Variants in UGT1A3 observed in about 807,000 individuals in gnomAD.
The protein encoded by UGT1A3 is UDP glucuronosyltransferase family 1 member A3.
Under a neutral mutation model 41.0 loss-of-function variants are expected in UGT1A3, and 31 were observed. The ratio of observed to expected loss-of-function variants is 0.76; its 90% CI spans 0.57 to 1.02. The LOEUF is 1.02. Ranked by LOEUF, UGT1A3 falls within the 50% of genes least tolerant of loss-of-function variation. The pLI is 0.00. For missense variants in UGT1A3, 737 were observed against 671.0 expected, an observed-to-expected ratio of 1.10 and a Z score of -1.09; for synonymous variants, 262 against 257.6, an observed-to-expected ratio of 1.02 and a Z score of -0.17.
chr2:233,731,692 C>A (rs936290602), intron 1 of UGT1A3, among the ~76,000 whole-genome samples: 1 of 152,182 alleles, frequency 6.6e-6, no homozygotes. Context: ...CATTGATGGA[C>A]ATTTGGATTG....
chr2:233,754,548 G>A (rs760098781), intron 1 of UGT1A3: 6 of 380,460 alleles, frequency 1.6e-5, no homozygotes, highest in African/African-American at 2.1e-5. Context: ...GGAATTACTT[G>A]GTGTCAATGG....
chr2:233,739,654 C>T (rs1048629610), intron 1 of UGT1A3, among the ~76,000 whole-genome samples: 2 of 152,192 alleles, frequency 1.3e-5, no homozygotes, highest in South Asian at 4.1e-4. Flanking sequence ...AATTTCTGTA[C>T]CCCCATTGTG....
intron 1 of UGT1A3, chr2:233,747,078 A>G (rs1246065129): frequency 1.2e-5 from 13 of 1,085,828 alleles, no homozygotes; most frequent in Admixed American, 7.9e-5. Context: ...ATAATTAACT[A>G]GGAGGAGAGC....
At chr2:233,755,155 T>C (rs921927491) in intron 1 of UGT1A3, 4 of 1,293,388 alleles carry the variant, frequency 3.1e-6, no homozygotes, top group Middle Eastern at 2.2e-4. Flanking sequence ...GCTTCCTCCC[T>C]GTCCTCGGGG....
At position 233,761,035 on chromosome 2, in the gene UGT1A3, T is replaced by C. The variant is rs57307513; in HGVS notation, c.868-5999T>C. On this transcript the variant is annotated intron_variant, in intron 1 of 4. Transcript: ENST00000482026. ...GGTGACTGTCCAGGACCTATTGAGC[T>C]CTGCATCTGTCTGGCTGTTTAGAAG... The C allele has an allele frequency of 4.4e-4, 717 of 1,614,210 alleles. No individual in the cohort carries two copies. Among genetic ancestry groups the C allele is most frequent in the Non-Finnish European group, 5.5e-4 (645 of 1,180,032 alleles).
chr2:233,742,223 A>G (rs1691912162), intron 1 of UGT1A3, among the ~76,000 whole-genome samples: 1 of 151,938 alleles, frequency 6.6e-6, no homozygotes, highest in South Asian at 2.1e-4. Flanking sequence ...CAGGGCTGAG[A>G]GCCCCAAACA....
chr2:233,768,157 G>GGTGTGTCC lies in UGT1A3; in HGVS notation c.1088-63_1088-62insGTGTGTCC, dbSNP rs1279074414. 1.9e-6 allele frequency: 3 copies of GGTGTGTCC among 1,612,962 alleles called. No homozygotes were observed. The African/African-American group carries it at 4.0e-5, about 22-fold the overall frequency. On this transcript the variant is annotated intron_variant, in intron 3 of 4. Transcript: ENST00000482026. ...GTCTTTGGAGTGTTTTCAGAACCTA[G>GGTGTGTCC]ATGTGTCCAGCTGTGAAACTCAGAG...
At chr2:233,731,933 C>A (rs562066404) in intron 1 of UGT1A3, among the ~76,000 whole-genome samples, 9 of 152,358 alleles carry the variant, frequency 5.9e-5, no homozygotes, top group Admixed American at 1.3e-4. Flanking sequence ...TCTCCACATC[C>A]TCTCCAACAT....
chr2:233,762,967 G>A (rs568860226), intron 1 of UGT1A3, among the ~76,000 whole-genome samples: 7 of 152,218 alleles, frequency 4.6e-5, no homozygotes, highest in Admixed American at 6.5e-5. Context: ...AAAGATGCCC[G>A]TCTTGCTGCT....
chr2:233,742,906 T>G (rs1484146320), intron 1 of UGT1A3: 79 of 166,834 alleles, frequency 4.7e-4, no homozygotes, highest in Non-Finnish European at 5.6e-4. Context: ...AAAAAGGTAA[T>G]GCTCAAAGTG....
At chr2:233,743,563 C>A (rs546286371) in intron 1 of UGT1A3, 1 of 1,367,296 alleles carries the variant, frequency 7.3e-7, no homozygotes, top group South Asian at 1.1e-5. Flanking sequence ...TATTCTCCAG[C>A]GGGTTTCCCA....
chr2:233,761,696 T>G (rs1228722840), intron 1 of UGT1A3, among the ~76,000 whole-genome samples: 1 of 152,214 alleles, frequency 6.6e-6, no homozygotes, highest in East Asian at 1.9e-4. Context: ...TACAGAAAGG[T>G]TGTAGGTTTC....
At chr2:233,746,793 T>G (rs1030985091) in intron 1 of UGT1A3, among the ~76,000 whole-genome samples, 4 of 151,826 alleles carry the variant, frequency 2.6e-5, no homozygotes, top group Non-Finnish European at 4.4e-5. Context: ...TTGTAATTCA[T>G]GAGCGTGAAT....
At chr2:233,746,331 A>G (rs1482608381) in intron 1 of UGT1A3, among the ~76,000 whole-genome samples, 1 of 151,784 alleles carries the variant, frequency 6.6e-6, no homozygotes, top group Non-Finnish European at 1.5e-5. Context: ...TCTACAGGGC[A>G]ATGGACATGT....
intron 1 of UGT1A3, among the ~76,000 whole-genome samples, chr2:233,751,222 C>A (rs1694670649): frequency 6.6e-6 from 1 of 151,992 alleles, no homozygotes; most frequent in African/African-American, 2.4e-5. Context: ...GATTTAATGA[C>A]TGCCCTGCCT....
chr2:233,764,150 T>C (rs770421486), intron 1 of UGT1A3, among the ~76,000 whole-genome samples: 21 of 152,376 alleles, frequency 1.4e-4, no homozygotes, highest in Non-Finnish European at 2.4e-4. Flanking sequence ...TCATTTTGGC[T>C]GGTGAAGTCT....
chr2:233,766,327 G>A (rs373926451), intron 1 of UGT1A3, among the ~76,000 whole-genome samples: 29 of 152,248 alleles, frequency 1.9e-4, no homozygotes, highest in East Asian at 9.7e-4. Context: ...CAAACTCCGC[G>A]TTGTTCTGCT....
intron 1 of UGT1A3, among the ~76,000 whole-genome samples, chr2:233,748,588 G>C (rs1457275864): frequency 6.6e-6 from 1 of 151,830 alleles, no homozygotes; most frequent in Non-Finnish European, 1.5e-5. Context: ...GGTTGACTCA[G>C]TTCAGTGGAA....
intron 1 of UGT1A3, among the ~76,000 whole-genome samples, chr2:233,757,613 T>G (rs972874024): frequency 6.8e-6 from 1 of 146,622 alleles, no homozygotes; most frequent in Non-Finnish European, 1.5e-5. Context: ...TGCAAACTGC[T>G]AAAAGATACA....
Sources: allele counts gnomAD v4.1 joint callset (sites outside exome capture counted in the v4.1 genomes callset), GRCh38; gene constraint gnomAD v4.1.1; transcripts MANE v1.5; gene names NCBI Gene and HGNC (gene_info 2026-07-23, HGNC 2026-07-21).